The following MAST4 variants were observed in gnomAD, a reference collection of about 807,000 sequenced individuals.
MAST4 encodes microtubule associated serine/threonine kinase family member 4, also known as microtubule-associated serine/threonine-protein kinase 4.
A neutral mutation model predicts 162.7 loss-of-function variants in MAST4; 89 were observed. The observed-to-expected ratio is 0.55, with a 90% confidence interval of 0.46 to 0.65. The LOEUF is 0.65. MAST4 is among the 30% of genes least tolerant of loss of function. The pLI, the probability that MAST4 is intolerant of heterozygous loss-of-function variation, is 0.00. For synonymous variants in MAST4, 1,479 were observed against 1,361.1 expected, an observed-to-expected ratio of 1.09 and a Z score of -1.91; for missense variants, 3,153 against 3,374.0, an observed-to-expected ratio of 0.93 and a Z score of 1.62.
rs766298584 is a variant in MAST4 at position 67,152,846 on chromosome 5, A to G, written c.3505A>G (p.Thr1169Ala). ...RVYVGDSDIYTVHHIVWNVEE... is the reference protein window; with the variant it reads ...RVYVGDSDIYAVHHIVWNVEE... ...GTATGTGGGAGACAGTGACATCTATACAGTGCACCATATCGTCTGGGTAAG... is the reference window on the plus strand; with the variant it reads ...GTATGTGGGAGACAGTGACATCTATGCAGTGCACCATATCGTCTGGGTAAG... The change falls in exon 25 of 29, where the codon ACA (threonine) becomes GCA (alanine). Residue 1169 changes from threonine to alanine, a missense_variant. This residue lies in a region of MAST4 where 619 missense variants were observed against 744.2 expected (regional missense o/e 0.83). Coordinates refer to ENST00000403625, the MANE Select transcript of MAST4 (RefSeq NM_001164664.2). 6.2e-7 allele frequency: 1 copy of G among 1,613,970 alleles called. No individual in the cohort carries two copies. The highest frequency in any genetic ancestry group is 8.5e-7 in the Non-Finnish European group (1 of 1,179,838).
chr5:66,616,063 C>T (rs10940071), intron 1 of MAST4, among the ~76,000 whole-genome samples: 26,656 of 152,160 alleles, frequency 0.18, 2,508 homozygotes, highest in East Asian at 0.36. Flanking sequence ...ACAGCAGTTG[C>T]CTCCCAGTAT....
chr5:67,078,922 AT>A (rs1460278070), intron 5 of MAST4, among the ~76,000 whole-genome samples: 2 of 74,276 alleles, frequency 2.7e-5, no homozygotes, highest in Non-Finnish European at 2.4e-5. Flanking sequence ...ATATATATAT[AT>A]ATATATATAT....
chr5:66,918,035 A>G (rs1187576952), intron 4 of MAST4, among the ~76,000 whole-genome samples: 2 of 152,144 alleles, frequency 1.3e-5, no homozygotes, highest in East Asian at 3.8e-4. Flanking sequence ...TAATTGGAAA[A>G]ATATTTACTG....
At chr5:66,813,582 A>G (rs1423050508) in intron 3 of MAST4, among the ~76,000 whole-genome samples, 4 of 152,254 alleles carry the variant, frequency 2.6e-5, no homozygotes, top group African/African-American at 7.2e-5. Context: ...CAGCTTCTGA[A>G]CAGAATATCT....
At chr5:67,042,301 G>C (rs575550384) in intron 4 of MAST4, among the ~76,000 whole-genome samples, 19 of 152,258 alleles carry the variant, frequency 1.2e-4, no homozygotes, top group African/African-American at 4.3e-4. Context: ...AATAACAACA[G>C]CAAGGAACAC....
chr5:66,668,295 C>T (rs1358275397), intron 1 of MAST4, among the ~76,000 whole-genome samples: 1 of 152,176 alleles, frequency 6.6e-6, no homozygotes, highest in African/African-American at 2.4e-5. Flanking sequence ...TTGTTTACAG[C>T]CTTTCTGAGT....
chr5:66,674,045 C>T (rs1269158344), intron 1 of MAST4, among the ~76,000 whole-genome samples: 2 of 152,094 alleles, frequency 1.3e-5, no homozygotes, highest in Non-Finnish European at 2.9e-5. Flanking sequence ...TTTGTTTCTC[C>T]AGAAGAGAAC....
intron 4 of MAST4, chr5:67,005,035 C>T: frequency 2.6e-6 from 2 of 775,012 alleles, no homozygotes; most frequent in Non-Finnish European, 4.8e-6. Flanking sequence ...TGCTCTCAAA[C>T]TTTACTTTGC....
At chr5:66,851,697 A>T (rs1241559802) in intron 3 of MAST4, among the ~76,000 whole-genome samples, 5 of 152,192 alleles carry the variant, frequency 3.3e-5, no homozygotes, top group African/African-American at 1.2e-4. Context: ...ACTATAGTGC[A>T]TGCACTTCTC....
At chr5:66,695,747 G>A (rs191535596) in intron 1 of MAST4, among the ~76,000 whole-genome samples, 20 of 152,242 alleles carry the variant, frequency 1.3e-4, no homozygotes, top group South Asian at 2.1e-4. Context: ...CTTTTACATC[G>A]TTGGTAGGTA....
chr5:66,744,893 T>C (rs1222880351), intron 1 of MAST4, among the ~76,000 whole-genome samples: 1 of 151,940 alleles, frequency 6.6e-6, no homozygotes, highest in African/African-American at 2.4e-5. Flanking sequence ...TCCAGAAACT[T>C]GTATAAAGTT....
At chr5:67,142,361 A>G in intron 20 of MAST4, 60 bp from the exon 21 acceptor site, 2 of 1,509,632 alleles carry the variant, frequency 1.3e-6, no homozygotes, top group Non-Finnish European at 1.8e-6. Flanking sequence ...AATCATAATT[A>G]AAATATCTAA....
At chr5:66,819,050 T>C (rs946043322) in intron 3 of MAST4, among the ~76,000 whole-genome samples, 12 of 152,184 alleles carry the variant, frequency 7.9e-5, no homozygotes, top group African/African-American at 2.7e-4. Context: ...CACACATTGC[T>C]TACCGTGTGA....
chr5:66,620,638 A>C (rs1194877693), intron 1 of MAST4, among the ~76,000 whole-genome samples: 1 of 152,212 alleles, frequency 6.6e-6, no homozygotes, highest in Non-Finnish European at 1.5e-5. Context: ...AATTATCTGT[A>C]AGTTGAGACT....
At chr5:67,033,347 C>CTT (rs5868472) in intron 4 of MAST4, among the ~76,000 whole-genome samples, 49 of 112,140 alleles carry the variant, frequency 4.4e-4, no homozygotes, top group Admixed American at 1.4e-3. Flanking sequence ...GTGTGTGTGG[C>CTT]TTTTTTTTTT....
At chr5:66,659,187 G>A (rs1218275511) in intron 1 of MAST4, among the ~76,000 whole-genome samples, 1 of 152,168 alleles carries the variant, frequency 6.6e-6, no homozygotes, top group East Asian at 1.9e-4. Flanking sequence ...TTCAAGCCAG[G>A]AACAGCCTGA....
chr5:67,037,422 T>G (rs2150467876), intron 4 of MAST4, among the ~76,000 whole-genome samples: 1 of 152,272 alleles, frequency 6.6e-6, no homozygotes, highest in South Asian at 2.1e-4. Flanking sequence ...CAGACAGAAC[T>G]GGATCTGTAT....
chr5:66,623,145 C>A (rs1195419583), intron 1 of MAST4: 1 of 152,160 alleles, frequency 6.6e-6, no homozygotes, highest in African/African-American at 2.4e-5. Context: ...ACCAGGGAAG[C>A]CCTCAAACAC....
At chr5:67,060,659 A>G (rs774411157) in intron 5 of MAST4, among the ~76,000 whole-genome samples, 5 of 151,890 alleles carry the variant, frequency 3.3e-5, no homozygotes, top group Admixed American at 6.6e-5. Context: ...TTGTATTTTT[A>G]GTAGAGACGG....
Sources: allele counts gnomAD v4.1 joint callset (sites outside exome capture counted in the v4.1 genomes callset), GRCh38; gene constraint gnomAD v4.1.1; regional missense constraint gnomAD v4.1.1; transcripts MANE v1.5; gene names NCBI Gene and HGNC (gene_info 2026-07-23, HGNC 2026-07-21).